The following UNC5D variants were observed in gnomAD, a reference collection of about 807,000 sequenced individuals.
UNC5D encodes netrin receptor UNC5D.
Under a neutral mutation model 105.4 loss-of-function variants are expected in UNC5D, and 39 were observed. That is an observed-to-expected ratio of 0.37 (90% confidence interval 0.29 to 0.48). UNC5D has a LOEUF of 0.48. Ranked by LOEUF, UNC5D falls within the 20% of genes least tolerant of loss-of-function variation. The probability of loss-of-function intolerance (pLI) is 0.98; values close to 1 mark genes in which losing one functional copy is unlikely to be tolerated. For synonymous variants in UNC5D, 452 were observed against 450.4 expected (o/e 1.00, Z -0.04); for missense variants, 991 against 1,202.4 (o/e 0.82, Z 2.60).
rs117571837 is a variant in UNC5D at position 35,565,538 on chromosome 8, A to G, written c.323-2560A>G. Among the ~76,000 whole-genome samples, 562 of 152,100 alleles carry G rather than the reference A, an allele frequency of 3.7e-3. 3 individuals are homozygous for G. Among genetic ancestry groups the G allele is most frequent in the Middle Eastern group, 6.8e-3 (2 of 294 alleles). The stretch of plus-strand genomic sequence containing the variant: ...TTTTCTCCTATTCTGTAGGTTGGCT[A>G]TTTACTCTGTTATTTCTTTTGCTGT... On this transcript the variant is annotated intron_variant, in intron 2 of 16. Transcript: ENST00000404895.
intron 1 of UNC5D, among the ~76,000 whole-genome samples, chr8:35,376,038 A>G (rs772098558): frequency 2.0e-5 from 3 of 152,148 alleles, no homozygotes; most frequent in Non-Finnish European, 2.9e-5. Flanking sequence ...ACCTACTTGT[A>G]TTATGTGTTT....
rs544653582 is a variant in UNC5D at position 35,251,870 on chromosome 8, G to A, written c.103+15983G>A. Among the ~76,000 whole-genome samples the A allele has an allele frequency of 1.3e-5, 2 of 152,186 alleles. 1 individual carries two copies. Among genetic ancestry groups the A allele is most frequent in the East Asian group, 3.9e-4 (2 of 5,170 alleles). ...TAGTTCCTCATACGGAGTAGGGTGA[G>A]GCCCTAGTCACTGTCTACTGTTAAC... is the stretch of plus-strand genomic sequence containing the variant. On this transcript the variant is annotated intron_variant, in intron 1 of 16. Transcript: ENST00000404895.
chr8:35,258,661 T>C (rs1214908673), intron 1 of UNC5D, among the ~76,000 whole-genome samples: 3 of 152,164 alleles, frequency 2.0e-5, no homozygotes, highest in Non-Finnish European at 4.4e-5. Context: ...TTAATACTAC[T>C]GCTGCTGCTG....
intron 1 of UNC5D, among the ~76,000 whole-genome samples, chr8:35,462,740 GAGTT>G (rs1406252350): frequency 6.6e-6 from 1 of 152,152 alleles, no homozygotes; most frequent in Non-Finnish European, 1.5e-5. Flanking sequence ...CAGCATGGGT[GAGTT>G]ATGGACCCAA....
At chr8:35,552,879 A>G (rs940727934) in intron 2 of UNC5D, among the ~76,000 whole-genome samples, 7 of 152,190 alleles carry the variant, frequency 4.6e-5, no homozygotes, top group Non-Finnish European at 1.0e-4. Context: ...AACCAAGGGA[A>G]TGACATCTAC....
chr8:35,583,539 T>C (rs555061053), intron 3 of UNC5D, among the ~76,000 whole-genome samples: 1 of 152,294 alleles, frequency 6.6e-6, no homozygotes, highest in Admixed American at 6.5e-5. Flanking sequence ...ATTTCTGCAT[T>C]CACCTAGGAC....
intron 1 of UNC5D, among the ~76,000 whole-genome samples, chr8:35,409,216 G>A (rs1804999511): frequency 6.6e-6 from 1 of 151,968 alleles, no homozygotes; most frequent in African/African-American, 2.4e-5. Context: ...TCTCACATGG[G>A]TTTCTCTGTG....
chr8:35,326,592 C>T (rs1449421699), intron 1 of UNC5D, among the ~76,000 whole-genome samples: 5 of 151,844 alleles, frequency 3.3e-5, no homozygotes, highest in African/African-American at 9.7e-5. Context: ...AGGTCTGTAC[C>T]AAAATAAAAA....
intron 3 of UNC5D, among the ~76,000 whole-genome samples, chr8:35,593,363 T>C (rs1362277062): frequency 6.6e-6 from 1 of 152,200 alleles, no homozygotes; most frequent in Admixed American, 6.5e-5. Context: ...TACAGATTAA[T>C]TGGTGTCAAA....
chr8:35,699,153 C>T (rs1350854459), intron 7 of UNC5D, among the ~76,000 whole-genome samples: 1 of 152,108 alleles, frequency 6.6e-6, no homozygotes, highest in African/African-American at 2.4e-5. Flanking sequence ...AATGGATAGA[C>T]ATCACAATGA....
intron 1 of UNC5D, among the ~76,000 whole-genome samples, chr8:35,298,479 T>G (rs1056405731): frequency 6.6e-6 from 1 of 152,122 alleles, no homozygotes; most frequent in African/African-American, 2.4e-5. Flanking sequence ...CTTTGACACT[T>G]TAACAAAACA....
intron 7 of UNC5D, among the ~76,000 whole-genome samples, chr8:35,704,679 T>A (rs1190308304): frequency 6.6e-6 from 1 of 152,102 alleles, no homozygotes; most frequent in East Asian, 1.9e-4. Context: ...ACCATGCAGA[T>A]CTTCTAGAAT....
At chr8:35,575,479 A>G (rs914398741) in intron 3 of UNC5D, among the ~76,000 whole-genome samples, 3 of 152,132 alleles carry the variant, frequency 2.0e-5, no homozygotes, top group African/African-American at 7.2e-5. Flanking sequence ...CAGTACTACA[A>G]TGAAGCCATT....
intron 1 of UNC5D, among the ~76,000 whole-genome samples, chr8:35,306,011 A>G (rs954503249): frequency 6.6e-6 from 1 of 151,792 alleles, no homozygotes; most frequent in Non-Finnish European, 1.5e-5. Context: ...TTAGGATAAT[A>G]TGGCTTTCTG....
chr8:35,665,555 C>G (rs1338042739), intron 4 of UNC5D, among the ~76,000 whole-genome samples: 1 of 151,986 alleles, frequency 6.6e-6, no homozygotes, highest in Admixed American at 6.6e-5. Context: ...TTTCATCCTC[C>G]CATTTCATTC....
At chr8:35,550,293 G>A (rs999423877) in intron 2 of UNC5D, among the ~76,000 whole-genome samples, 10 of 152,136 alleles carry the variant, frequency 6.6e-5, no homozygotes, top group Admixed American at 3.9e-4. Context: ...TGCCCTGGAT[G>A]TCAAAGTGAG....
intron 4 of UNC5D, among the ~76,000 whole-genome samples, chr8:35,654,376 T>C (rs987002272): frequency 6.6e-6 from 1 of 152,176 alleles, no homozygotes; most frequent in African/African-American, 2.4e-5. Flanking sequence ...TTCTAGTTCA[T>C]GCTCTGTGAG....
At chr8:35,365,451 A>G (rs1023192945) in intron 1 of UNC5D, among the ~76,000 whole-genome samples, 2 of 152,174 alleles carry the variant, frequency 1.3e-5, no homozygotes, top group Admixed American at 6.6e-5. Flanking sequence ...AAACCAATGC[A>G]TGAAGAACAG....
intron 1 of UNC5D, among the ~76,000 whole-genome samples, chr8:35,410,418 T>A (rs187049703): frequency 6.6e-6 from 1 of 152,136 alleles, no homozygotes; most frequent in East Asian, 1.9e-4. Context: ...CTTCTTTGAA[T>A]AGGGGAAACT....
Sources: gnomAD v4.1 joint callset for allele counts (sites outside exome capture counted in the v4.1 genomes callset) on GRCh38, gnomAD v4.1.1 for gene constraint, MANE v1.5 for transcripts, NCBI Gene and HGNC (gene_info 2026-07-23, HGNC 2026-07-21) for gene names.